AMPD3: variants seen among roughly 807,000 people sequenced by gnomAD.
AMPD3 encodes adenosine monophosphate deaminase 3.
A neutral mutation model predicts 82.3 loss-of-function variants in AMPD3; 57 were observed. The observed-to-expected ratio is 0.69, with a 90% CI of 0.56 to 0.86. AMPD3 has a LOEUF of 0.86. AMPD3 is among the 40% of genes least tolerant of loss of function. AMPD3 has a pLI of 0.00. For synonymous variants in AMPD3, 381 were observed against 394.7 expected (o/e 0.97, Z 0.41); for missense variants, 870 against 1,003.8 (o/e 0.87, Z 1.80).
chr11:10,481,824 T>A, intron 3 of AMPD3: 1 of 568,750 alleles, frequency 1.8e-6, no homozygotes, highest in Non-Finnish European at 3.2e-6. Flanking sequence ...CATGTCTGCA[T>A]AGCACATCTC....
Position 10,500,213 on chromosome 11 carries a change from T to C in AMPD3, c.1685T>C (p.Met562Thr). The C allele has an allele frequency of 6.2e-7, 1 of 1,614,206 alleles. No homozygotes were observed. Among genetic ancestry groups the C allele is most frequent in the Non-Finnish European group, 8.5e-7 (1 of 1,180,034 alleles). ...CCCTACAGCTACTACCTGTACTACA[T>C]GTATGCCAACATCATGGTGCTCAAC... ...NPPYSYYLYYMYANIMVLNNL... is the reference protein window; with the variant it reads ...NPPYSYYLYYTYANIMVLNNL... The change falls in exon 11 of 15, where the codon ATG becomes ACG. Residue 562 changes from methionine to threonine, a missense_variant. Physicochemically the swap from Met to Thr is moderately conservative, Grantham distance 81. Coordinates refer to ENST00000396553, the MANE Select transcript of AMPD3 (RefSeq NM_001025389.2).
chr11:10,498,897 G>A (rs1388688171), intron 10 of AMPD3, among the ~76,000 whole-genome samples: 3 of 152,242 alleles, frequency 2.0e-5, no homozygotes, highest in African/African-American at 7.2e-5. Flanking sequence ...ATGTGTTCTT[G>A]GTTGGGGATG....
rs374667935 is a variant in AMPD3, at chr11:10,504,684, G to T, written c.2127+25G>T. ...GGTATGGAGTGTGACGGTGCTGCCT[G>T]TGTCCCTCCTGGGAAGGCTGCCTGC... On this transcript the variant is annotated intron_variant, in intron 14 of 14. Coordinates refer to ENST00000396553, the MANE Select transcript of AMPD3 (RefSeq NM_001025389.2). The T allele has an allele frequency of 1.7e-5, 27 of 1,604,518 alleles. No individual in the cohort carries two copies. In the African/African-American group the frequency reaches 3.3e-4, roughly 20 times the overall value.
chr11:10,497,461 C>T (rs558311324), intron 10 of AMPD3: 25 of 463,896 alleles, frequency 5.4e-5, no homozygotes, highest in South Asian at 9.0e-5. Flanking sequence ...GGGAGGGAGG[C>T]GGAGGGGGCG....
chr11:10,482,848 C>G (rs564113378), intron 4 of AMPD3, among the ~76,000 whole-genome samples: 55 of 152,224 alleles, frequency 3.6e-4, no homozygotes, highest in African/African-American at 1.3e-3. Flanking sequence ...TTTAAAAGAA[C>G]ACAATCACAC....
At position 10,500,136 on chromosome 11, in the gene AMPD3, G is replaced by A. The variant is rs369847579; in HGVS notation, c.1608G>A (p.Met536Ile). Residue 536 changes from methionine to isoleucine, a missense_variant, in exon 11 of 15, where the codon ATG becomes ATA. Transcript: ENST00000396553. ...VDDESKHSDHMFSDKSPNPDV... is the reference protein window; with the variant it reads ...VDDESKHSDHIFSDKSPNPDV... ...ATGAGTCCAAGCACAGCGACCACAT[G>A]TTTTCCGACAAGAGCCCAAACCCGG... 7 of 1,614,184 alleles carry A rather than the reference G, an allele frequency of 4.3e-6. No homozygotes were observed. The highest frequency in any genetic ancestry group is 3.3e-5 in the Admixed American group (2 of 60,028).
At chr11:10,481,969 C>G in intron 3 of AMPD3, 94 bp from the exon 4 acceptor site, 1 of 1,515,960 alleles carries the variant, frequency 6.6e-7, no homozygotes, top group Non-Finnish European at 9.2e-7. Context: ...TTCCCAGATA[C>G]CAGGCAAGGG....
At chr11:10,488,466 TGAGAGAGTCGA>T (rs1849144420) in intron 6 of AMPD3, 1 of 945,878 alleles carries the variant, frequency 1.1e-6, no homozygotes, top group Non-Finnish European at 1.3e-6. Flanking sequence ...AGGGATGGTA[TGAGAGAGTCGA>T]GAGAGTCAGA....
Position 10,502,921 on chromosome 11 carries a change from G to C in AMPD3, c.2016+27G>C, listed in dbSNP as rs1399257986. 6 of 1,611,270 alleles carry C rather than the reference G, an allele frequency of 3.7e-6. No individual in the cohort carries two copies. In the Admixed American group the frequency reaches 1.0e-4, roughly 27 times the overall value. ...TAAGGACTTTGGGGTGAGGACAGTA[G>C]TGCTTCAGTAGGCACCAGTCCTAGC... On this transcript the variant is annotated intron_variant, in intron 13 of 14. Coordinates refer to ENST00000396553, the MANE Select transcript of AMPD3 (RefSeq NM_001025389.2).
At position 10,496,628 on chromosome 11, in the gene AMPD3, C is replaced by T. The variant is rs1849409150; in HGVS notation, c.1431-184C>T. On this transcript the variant is annotated intron_variant, in intron 9 of 14. Transcript: ENST00000396553. ...TAGGTGTGGAGCTTGCAAACCAAGG[C>T]AGAATATTGCAGACATTGCTGGGAG... The T allele has an allele frequency of 2.8e-6, 4 of 1,430,868 alleles. No homozygotes were observed. In the African/African-American group the frequency reaches 4.2e-5, roughly 15 times the overall value. 88.6% of individuals were successfully genotyped at this position (1,430,868 alleles called of 1,614,324 possible). A position where few individuals can be genotyped will look rare whatever the true frequency, so the allele number is the denominator to read the frequency against.
intron 11 of AMPD3, 38 bp from the exon 12 acceptor site, chr11:10,501,432 G>T (rs746269223): frequency 2.8e-5 from 45 of 1,609,274 alleles, no homozygotes; most frequent in Middle Eastern, 1.8e-4. Context: ...AGCCAACTGG[G>T]GGGGGCCTTC....
intron 1 of AMPD3, chr11:10,460,742 G>A (rs1229210472): frequency 3.3e-6 from 1 of 302,848 alleles, no homozygotes; most frequent in African/African-American, 2.3e-5. Flanking sequence ...ACAAGTAATT[G>A]CAAAAAAGGA....
rs116013027 is a variant in AMPD3 at position 10,461,204 on chromosome 11, G to T, written c.-5-311G>T. On this transcript the variant is annotated intron_variant, in intron 1 of 14. Coordinates refer to ENST00000396553, the MANE Select transcript of AMPD3 (RefSeq NM_001025389.2). Reference sequence around the variant, plus strand: ...TTCTCAAACATGGGAACAAAGTCAGGAGGGCAGGGCTGCCAGGTGCTGCAG... The same window carrying T: ...TTCTCAAACATGGGAACAAAGTCAGTAGGGCAGGGCTGCCAGGTGCTGCAG... 1.6e-4 allele frequency: 201 copies of T among 1,252,284 alleles called. 3 individuals carry two copies. In the African/African-American group the frequency reaches 2.9e-3, roughly 18 times the overall value. 77.6% of individuals were successfully genotyped at this position (1,252,284 alleles called of 1,614,324 possible). A position where few individuals can be genotyped will look rare whatever the true frequency, so the allele number is the denominator to read the frequency against.
chr11:10,500,375 C>T, intron 11 of AMPD3, 126 bp downstream of exon 11: 1 of 1,298,280 alleles, frequency 7.7e-7, no homozygotes, highest in Non-Finnish European at 1.1e-6. Flanking sequence ...CATGCATGTC[C>T]ATGTGCCCAC....
chr11:10,474,867 G>T (rs544078361), intron 2 of AMPD3, among the ~76,000 whole-genome samples: 1 of 152,140 alleles, frequency 6.6e-6, no homozygotes, highest in East Asian at 1.9e-4. Flanking sequence ...AAATGCTGGC[G>T]CCCCAGGGGC....
chr11:10,495,486 A>G, intron 8 of AMPD3, 84 bp from the exon 9 acceptor site: 1 of 1,607,916 alleles, frequency 6.2e-7, no homozygotes, highest in Non-Finnish European at 8.5e-7. Flanking sequence ...TGGGGGAGCA[A>G]CAGGACCCTG....
chr11:10,451,203 C>CCCTGTT (rs1167798887), upstream of AMPD3, among the ~76,000 whole-genome samples: 1 of 152,240 alleles, frequency 6.6e-6, no homozygotes, highest in Non-Finnish European at 1.5e-5. Flanking sequence ...TTGCCCTGTC[C>CCCTGTT]CCTGTTCCTG....
intron 4 of AMPD3, among the ~76,000 whole-genome samples, chr11:10,483,063 T>G (rs759214555): frequency 2.0e-5 from 3 of 152,164 alleles, no homozygotes; most frequent in Non-Finnish European, 2.9e-5. Context: ...AAATAATACC[T>G]ATCTCCCAGG....
chr11:10,484,978 G>T lies in AMPD3; in HGVS notation c.748G>T (p.Asp250Tyr). The change falls in exon 5 of 15, where the codon GAC (aspartate) becomes TAC (tyrosine). Residue 250 changes from aspartate (D) to tyrosine (Y), a missense_variant. Transcript: ENST00000396553. ...HQEPHSLPYPDLETYTVDMSH... is the reference protein window; with the variant it reads ...HQEPHSLPYPYLETYTVDMSH... ...GGAGCCGCACAGCCTACCCTACCCC[G>T]ACCTGGAGACCTACACGGTGGACAT... The T allele has an allele frequency of 6.3e-7, 1 of 1,597,088 alleles. No homozygotes were observed. The highest frequency in any genetic ancestry group is 1.1e-5 in the South Asian group (1 of 89,514).
Sources: gnomAD v4.1 joint callset for allele counts (sites outside exome capture counted in the v4.1 genomes callset) on GRCh38, gnomAD v4.1.1 for gene constraint, MANE v1.5 for transcripts, NCBI Gene and HGNC (gene_info 2026-07-23, HGNC 2026-07-21) for gene names.